Variants in RALGPS1 observed in about 807,000 individuals in gnomAD.
RALGPS1 encodes the protein ras-specific guanine nucleotide-releasing factor RalGPS1.
A neutral mutation model predicts 78.8 loss-of-function variants in RALGPS1; 19 were observed. The ratio of observed to expected loss-of-function variants is 0.24; its 90% CI spans 0.17 to 0.35. The LOEUF is 0.35. Ranked by LOEUF, RALGPS1 falls within the 10% of genes least tolerant of loss-of-function variation. The pLI, the probability that RALGPS1 is intolerant of heterozygous loss-of-function variation, is 1.00. For synonymous variants in RALGPS1, 228 were observed against 256.3 expected, an observed-to-expected ratio of 0.89 and a Z score of 1.06; for missense variants, 454 against 688.3, an observed-to-expected ratio of 0.66 and a Z score of 3.81.
At chr9:127,072,279 C>G (rs1237446805) in intron 8 of RALGPS1, among the ~76,000 whole-genome samples, 3 of 152,186 alleles carry the variant, frequency 2.0e-5, no homozygotes, top group Non-Finnish European at 2.9e-5. Flanking sequence ...GTAGCATGAT[C>G]TTGGCTCACT....
chr9:127,213,130 T>C, intron 17 of RALGPS1, 81 bp downstream of exon 17: 1 of 1,572,924 alleles, frequency 6.4e-7, no homozygotes, highest in Non-Finnish European at 8.6e-7. Context: ...TTGAAATTAT[T>C]AGGAGCTTTT....
intron 4 of RALGPS1, among the ~76,000 whole-genome samples, chr9:127,033,379 T>C (rs2046590104): frequency 6.6e-6 from 1 of 152,184 alleles, no homozygotes; most frequent in Non-Finnish European, 1.5e-5. Context: ...CAGACGTGAC[T>C]GCTAGTGGCC....
rs1308951197 is a variant in RALGPS1, at chr9:127,174,305, GAAAGAAAGAAAA to G, written c.843-406_843-395del. On this transcript the variant is annotated intron_variant, in intron 10 of 18. Coordinates refer to ENST00000259351, the MANE Select transcript of RALGPS1 (RefSeq NM_014636.3). ...AGAAAGAAAGAGAAAGAAAGAGAAA[GAAAGAAAGAAAA>G]AAAAAGAAAAGAAAGAAAAAACTAA... is the stretch of plus-strand genomic sequence containing the variant. 1.1e-4 allele frequency among the ~76,000 whole-genome samples: 16 copies of G among 143,382 alleles called. No individual in the cohort carries two copies. In the East Asian group the frequency reaches 3.2e-3, roughly 29 times the overall value. 94.1% of individuals were successfully genotyped at this position (143,382 alleles called of 152,430 possible). A position where few individuals can be genotyped will look rare whatever the true frequency, so the allele number is the denominator to read the frequency against.
At chr9:127,035,257 C>T (rs1290341117) in intron 5 of RALGPS1, among the ~76,000 whole-genome samples, 1 of 152,100 alleles carries the variant, frequency 6.6e-6, no homozygotes, top group Non-Finnish European at 1.5e-5. Context: ...ATTGAATTTT[C>T]TTGAATTCCT....
Position 127,050,019 on chromosome 9 carries a change from A to G in RALGPS1, c.301-24A>G, listed in dbSNP as rs1163399050. 9 of 1,541,326 alleles carry G rather than the reference A, an allele frequency of 5.8e-6. No individual in the cohort carries two copies. The African/African-American group carries it at 9.5e-5, about 16-fold the overall frequency. On this transcript the variant is annotated intron_variant, in intron 5 of 18. Transcript: ENST00000259351. Reference sequence around the variant, plus strand: ...CAACTTTTCTGGTGTGTATGTGTGTATGTGTGTGTATTTGACTCTACAGGT... The same window carrying G: ...CAACTTTTCTGGTGTGTATGTGTGTGTGTGTGTGTATTTGACTCTACAGGT...
chr9:127,151,733 C>T (rs969842275), intron 8 of RALGPS1, among the ~76,000 whole-genome samples: 5 of 152,014 alleles, frequency 3.3e-5, no homozygotes, highest in Non-Finnish European at 5.9e-5. Flanking sequence ...TTCCTGGAAC[C>T]TAATAAACTC....
chr9:127,095,159 G>A (rs2136554188), intron 8 of RALGPS1, among the ~76,000 whole-genome samples: 1 of 152,362 alleles, frequency 6.6e-6, no homozygotes, highest in African/African-American at 2.4e-5. Context: ...AGCACTTTGG[G>A]AGGCTGAGGC....
At chr9:126,963,650 T>C (rs10987528) in intron 2 of RALGPS1, among the ~76,000 whole-genome samples, 16 of 151,952 alleles carry the variant, frequency 1.1e-4, no homozygotes, top group African/African-American at 3.9e-4. Flanking sequence ...TAATTTAATA[T>C]TCACAATAAC....
intron 8 of RALGPS1, among the ~76,000 whole-genome samples, chr9:127,154,436 C>G (rs1267747965): frequency 6.6e-6 from 1 of 152,246 alleles, no homozygotes; most frequent in Non-Finnish European, 1.5e-5. Flanking sequence ...GAGATCAAAA[C>G]ACCTGAGCCT....
At chr9:126,986,269 C>CT (rs2041791876) in intron 4 of RALGPS1, among the ~76,000 whole-genome samples, 1 of 152,290 alleles carries the variant, frequency 6.6e-6, no homozygotes, top group East Asian at 1.9e-4. Flanking sequence ...CCTGGTGACT[C>CT]TAACGAGTGA....
At chr9:127,216,781 A>T in intron 18 of RALGPS1, 1 of 860,832 alleles carries the variant, frequency 1.2e-6, no homozygotes, top group Non-Finnish European at 1.6e-6. Flanking sequence ...AGCTTGCATT[A>T]AGAGAGGAAG....
intron 8 of RALGPS1, among the ~76,000 whole-genome samples, chr9:127,126,523 G>A (rs2056628641): frequency 6.6e-6 from 1 of 152,170 alleles, no homozygotes; most frequent in Admixed American, 6.5e-5. Flanking sequence ...TTCTTCCACA[G>A]GTCACTGAAG....
At chr9:127,103,042 A>G (rs549364176) in intron 8 of RALGPS1, among the ~76,000 whole-genome samples, 44 of 152,310 alleles carry the variant, frequency 2.9e-4, no homozygotes, top group South Asian at 8.3e-4. Flanking sequence ...ACCTCTCTGC[A>G]GTGCTTGGGC....
intron 4 of RALGPS1, among the ~76,000 whole-genome samples, chr9:126,992,435 A>G (rs1168627146): frequency 6.6e-6 from 1 of 152,174 alleles, no homozygotes; most frequent in Non-Finnish European, 1.5e-5. Context: ...ACTGTTCTTG[A>G]AATTAGGTAG....
Position 126,965,376 on chromosome 9 carries a change from G to T in RALGPS1, c.58-468G>T, listed in dbSNP as rs1009241924. Among the ~76,000 whole-genome samples, 4 of 152,216 alleles carry T rather than the reference G, an allele frequency of 2.6e-5. No homozygotes were observed. The South Asian group carries it at 8.3e-4, about 32-fold the overall frequency. Reference sequence around the variant, plus strand: ...GGTAATGTTTGAAAGACATCATGAGGCAGATTGTCTCCTCAGGCCTCCTAA... The same window carrying T: ...GGTAATGTTTGAAAGACATCATGAGTCAGATTGTCTCCTCAGGCCTCCTAA... On this transcript the variant is annotated intron_variant, in intron 2 of 18. Transcript: ENST00000259351.
chr9:127,137,346 A>G (rs1284511580), intron 8 of RALGPS1, among the ~76,000 whole-genome samples: 1 of 152,196 alleles, frequency 6.6e-6, no homozygotes, highest in Non-Finnish European at 1.5e-5. Context: ...GGGGAGAGAG[A>G]ATCTCCTTTC....
At position 126,993,121 on chromosome 9, in the gene RALGPS1, A is replaced by T. The variant is rs188635725; in HGVS notation, c.216+15376A>T. 1.1e-3 allele frequency among the ~76,000 whole-genome samples: 162 copies of T among 152,330 alleles called. 1 individual carries two copies. Among genetic ancestry groups the T allele is most frequent in the Admixed American group, 4.2e-3 (64 of 15,298 alleles). ...TTTATCAAATGCTTTTCCTGCATCTATTGACATAATCATATGGTTTTTCTT... is the reference window on the plus strand; with the variant it reads ...TTTATCAAATGCTTTTCCTGCATCTTTTGACATAATCATATGGTTTTTCTT... On this transcript the variant is annotated intron_variant, in intron 4 of 18. Transcript: ENST00000259351.
intron 4 of RALGPS1, among the ~76,000 whole-genome samples, chr9:126,996,274 A>T (rs1226791327): frequency 1.3e-5 from 2 of 152,342 alleles, no homozygotes; most frequent in Admixed American, 1.3e-4. Context: ...AACAAAATTG[A>T]TAGACTGCTA....
At chr9:126,961,736 C>T (rs2038917828) in intron 1 of RALGPS1, among the ~76,000 whole-genome samples, 1 of 152,206 alleles carries the variant, frequency 6.6e-6, no homozygotes, top group Admixed American at 6.5e-5. Context: ...GTTGAGGCTG[C>T]AGTAAGCCGT....
Sources: allele counts gnomAD v4.1 joint callset (sites outside exome capture counted in the v4.1 genomes callset), GRCh38; gene constraint gnomAD v4.1.1; transcripts MANE v1.5; gene names NCBI Gene and HGNC (gene_info 2026-07-23, HGNC 2026-07-21).